LEMD1: variants seen among roughly 807,000 people sequenced by gnomAD.
The protein encoded by LEMD1 is LEM domain containing 1.
A neutral mutation model predicts 17.4 loss-of-function variants in LEMD1; 18 were observed. That is an observed-to-expected ratio of 1.04 (90% CI 0.72 to 1.54). The LOEUF (loss-of-function observed/expected upper bound fraction) is 1.54. Among genes scored for constraint, LEMD1 ranks in the 40% most tolerant of loss-of-function variants. LEMD1 has a pLI of 0.00. For synonymous variants in LEMD1, 88 were observed against 77.8 expected (o/e 1.13, Z -0.69); for missense variants, 195 against 210.4 (o/e 0.93, Z 0.45).
At chr1:205,404,647 CTT>C (rs1665005317) in intron 4 of LEMD1, among the ~76,000 whole-genome samples, 1 of 152,212 alleles carries the variant, frequency 6.6e-6, no homozygotes, top group Non-Finnish European at 1.5e-5. Context: ...GCTCTTGACT[CTT>C]TATCCAATTT....
intron 4 of LEMD1, among the ~76,000 whole-genome samples, chr1:205,394,776 C>T (rs1048901858): frequency 6.6e-6 from 1 of 151,958 alleles, no homozygotes; most frequent in Non-Finnish European, 1.5e-5. Context: ...ATCACGAGGT[C>T]AGGAGTTTGA....
chr1:205,407,665 C>A (rs1665184368), intron 4 of LEMD1, among the ~76,000 whole-genome samples: 1 of 152,180 alleles, frequency 6.6e-6, no homozygotes, highest in Admixed American at 6.5e-5. Flanking sequence ...CTCCTGAGTT[C>A]TGCAAGCTGT....
At chr1:205,392,396 G>C (rs1451962028) in intron 4 of LEMD1, among the ~76,000 whole-genome samples, 2 of 151,268 alleles carry the variant, frequency 1.3e-5, no homozygotes, top group Admixed American at 6.6e-5. Context: ...AAAAAAATTA[G>C]CCAGGCATGA....
At chr1:205,394,803 G>A (rs915887116) in intron 4 of LEMD1, among the ~76,000 whole-genome samples, 6 of 151,908 alleles carry the variant, frequency 3.9e-5, no homozygotes, top group Non-Finnish European at 5.9e-5. Context: ...CCTGACCAAC[G>A]TGGTGAAACC....
At chr1:205,389,276 T>A (rs11240464) in intron 4 of LEMD1, among the ~76,000 whole-genome samples, 4 of 152,012 alleles carry the variant, frequency 2.6e-5, no homozygotes, top group South Asian at 2.1e-4. Context: ...CTTGAACTCC[T>A]GACCTTAAGT....
chr1:205,404,746 G>C (rs1382650570), intron 4 of LEMD1, among the ~76,000 whole-genome samples: 1 of 151,804 alleles, frequency 6.6e-6, no homozygotes, highest in African/African-American at 2.4e-5. Context: ...CTGTCATTAT[G>C]ATGCTAGCTG....
At chr1:205,435,414 T>C (rs927896085) in intron 1 of LEMD1, 2 of 152,240 alleles carry the variant, frequency 1.3e-5, no homozygotes, top group Non-Finnish European at 2.9e-5. Flanking sequence ...GATTGAAATG[T>C]GGCCATCTTG....
chr1:205,412,012 C>T (rs1399773031), intron 4 of LEMD1, among the ~76,000 whole-genome samples: 1 of 152,182 alleles, frequency 6.6e-6, no homozygotes, highest in Non-Finnish European at 1.5e-5. Flanking sequence ...GCTCCCAAAC[C>T]CAGGACCATT....
At chr1:205,394,477 C>T (rs542076496) in intron 4 of LEMD1, among the ~76,000 whole-genome samples, 258 of 152,076 alleles carry the variant, frequency 1.7e-3, no homozygotes, top group Non-Finnish European at 3.2e-3. Flanking sequence ...CTCCACCTCC[C>T]GAGTTCAAGC....
intron 4 of LEMD1, among the ~76,000 whole-genome samples, chr1:205,412,047 C>T (rs932618093): frequency 6.6e-6 from 1 of 152,154 alleles, no homozygotes; most frequent in African/African-American, 2.4e-5. Context: ...CAAGATAGTC[C>T]CAGTTTACTC....
intron 1 of LEMD1, among the ~76,000 whole-genome samples, chr1:205,449,651 A>G (rs993337857): frequency 6.6e-6 from 1 of 152,090 alleles, no homozygotes; most frequent in African/African-American, 2.4e-5. Flanking sequence ...CCCAACCTTC[A>G]GGGCCAAACA....
chr1:205,405,332 A>G (rs1665041182), intron 4 of LEMD1, among the ~76,000 whole-genome samples: 1 of 149,976 alleles, frequency 6.7e-6, no homozygotes, highest in African/African-American at 2.5e-5. Context: ...CGTCACTTTC[A>G]GGTACACCAA....
intron 4 of LEMD1, among the ~76,000 whole-genome samples, chr1:205,406,851 C>G (rs2102401703): frequency 6.6e-6 from 1 of 152,304 alleles, no homozygotes; most frequent in South Asian, 2.1e-4. Flanking sequence ...GCCATCTTGG[C>G]TCCTCCCCCC....
intron 1 of LEMD1, among the ~76,000 whole-genome samples, chr1:205,440,440 GGA>G (rs1180530468): frequency 6.6e-6 from 1 of 152,194 alleles, no homozygotes; most frequent in African/African-American, 2.4e-5. Flanking sequence ...TGGAATCCCA[GGA>G]GAGTCTCACA....
chr1:205,383,584 G>T (rs1479307948), intron 5 of LEMD1, among the ~76,000 whole-genome samples: 1 of 149,708 alleles, frequency 6.7e-6, no homozygotes, highest in Admixed American at 6.6e-5. Flanking sequence ...TGAACCCTAG[G>T]TCTTATTTAT....
chr1:205,420,115 C>T (rs755825797), intron 2 of LEMD1, among the ~76,000 whole-genome samples: 1 of 152,050 alleles, frequency 6.6e-6, no homozygotes, highest in African/African-American at 2.4e-5. Context: ...GTCAGAAGTT[C>T]GAGACAAGCC....
intron 1 of LEMD1, chr1:205,449,757 C>T (rs1023902308): frequency 6.5e-6 from 1 of 153,102 alleles, no homozygotes; most frequent in Non-Finnish European, 1.5e-5. Flanking sequence ...CATGGGCCCC[C>T]AGAACCCCAG....
chr1:205,411,085 AAAAGAAGAAAG>A (rs1665374368), intron 4 of LEMD1, among the ~76,000 whole-genome samples: 1 of 143,228 alleles, frequency 7.0e-6, no homozygotes, highest in African/African-American at 2.6e-5. Flanking sequence ...AAATGAAGGA[AAAAGAAGAAAG>A]AAAAAAGAAA....
intron 1 of LEMD1, among the ~76,000 whole-genome samples, chr1:205,421,253 T>G (rs1190849017): frequency 6.6e-6 from 1 of 152,182 alleles, no homozygotes; most frequent in African/African-American, 2.4e-5. Context: ...TTCAATCAGT[T>G]TTATCCACTT....
Sources: gnomAD v4.1 joint callset for allele counts (sites outside exome capture counted in the v4.1 genomes callset) on GRCh38, gnomAD v4.1.1 for gene constraint, MANE v1.5 for transcripts, NCBI Gene and HGNC (gene_info 2026-07-23, HGNC 2026-07-21) for gene names.